The following MCTP1 variants were observed in gnomAD, a reference collection of about 807,000 sequenced individuals.
MCTP1 encodes the protein multiple C2 and transmembrane domain-containing protein 1.
In MCTP1, 69 loss-of-function variants were observed where a neutral mutation model predicts 120.6. The ratio of observed to expected loss-of-function variants is 0.57; its 90% confidence interval spans 0.47 to 0.70. MCTP1 has a LOEUF of 0.70. Ranked by LOEUF, MCTP1 falls within the 30% of genes least tolerant of loss-of-function variation. The probability of loss-of-function intolerance (pLI) is 0.00; values close to 1 mark genes in which losing one functional copy is unlikely to be tolerated. For missense variants in MCTP1, 1,203 were observed against 1,248.8 expected (o/e 0.96, Z 0.55); for synonymous variants, 529 against 493.1 (o/e 1.07, Z -0.96).
At chr5:94,757,539 A>G (rs75267536) in intron 19 of MCTP1, among the ~76,000 whole-genome samples, 2 of 152,208 alleles carry the variant, frequency 1.3e-5, no homozygotes, top group African/African-American at 2.4e-5. Context: ...AGACAGGTTT[A>G]GAGCGAAATA....
chr5:95,079,481 T>G (rs1388451826), intron 1 of MCTP1, among the ~76,000 whole-genome samples: 2 of 152,196 alleles, frequency 1.3e-5, no homozygotes, highest in African/African-American at 2.4e-5. Flanking sequence ...TCTCACTGCA[T>G]TTATATTTAG....
intron 19 of MCTP1, among the ~76,000 whole-genome samples, chr5:94,742,212 A>T (rs72773602): frequency 1.2e-4 from 18 of 152,186 alleles, no homozygotes; most frequent in Admixed American, 3.9e-4. Flanking sequence ...AAATTTTTTT[A>T]AATTTTCTAT....
At chr5:94,710,316 T>TA (rs1264507811) in intron 21 of MCTP1, 1 of 152,484 alleles carries the variant, frequency 6.6e-6, no homozygotes, top group Non-Finnish European at 1.5e-5. Flanking sequence ...TCTTGTTTAG[T>TA]ACACATAAAA....
At chr5:95,258,342 G>A (rs953068438) in intron 1 of MCTP1, among the ~76,000 whole-genome samples, 2 of 152,064 alleles carry the variant, frequency 1.3e-5, no homozygotes, top group African/African-American at 2.4e-5. Flanking sequence ...CAGTCTAATC[G>A]TGAGAAAAAC....
chr5:95,205,411 A>T (rs186335590), intron 1 of MCTP1, among the ~76,000 whole-genome samples: 1 of 152,302 alleles, frequency 6.6e-6, no homozygotes, highest in East Asian at 1.9e-4. Flanking sequence ...AAACACAGGT[A>T]TGATTCTCCA....
At chr5:94,777,731 A>T (rs1288244319) in intron 19 of MCTP1, among the ~76,000 whole-genome samples, 1 of 152,272 alleles carries the variant, frequency 6.6e-6, no homozygotes, top group East Asian at 1.9e-4. Flanking sequence ...AAATCATATC[A>T]TTTATTGCCA....
At chr5:95,088,947 A>T (rs984753093) in intron 1 of MCTP1, among the ~76,000 whole-genome samples, 4 of 152,220 alleles carry the variant, frequency 2.6e-5, no homozygotes, top group Non-Finnish European at 4.4e-5. Flanking sequence ...TTCCCAAGGA[A>T]GAGTTGATAA....
chr5:95,016,731 T>C (rs1837183488), intron 2 of MCTP1, among the ~76,000 whole-genome samples: 1 of 152,102 alleles, frequency 6.6e-6, no homozygotes, highest in Admixed American at 6.6e-5. Context: ...CTGGGGTCTA[T>C]TCTTGGTCCT....
At chr5:95,125,259 T>A (rs1320187528) in intron 1 of MCTP1, among the ~76,000 whole-genome samples, 1 of 152,246 alleles carries the variant, frequency 6.6e-6, no homozygotes, top group Admixed American at 6.5e-5. Context: ...ATGATTCAAG[T>A]ATATATTTGT....
chr5:94,707,226 C>G lies in MCTP1; in HGVS notation c.*270G>C, dbSNP rs1336890443. 3.2e-6 allele frequency: 1 copy of G among 316,926 alleles called. No homozygotes were observed. Among genetic ancestry groups the G allele is most frequent in the Non-Finnish European group, 5.7e-6 (1 of 174,222 alleles). The allele number at this position is 316,926 out of a possible 1,614,324, so 19.6% of individuals were successfully genotyped here. A position where few individuals can be genotyped will look rare whatever the true frequency, so the allele number is the denominator to read the frequency against. ...GAATATATCTTCCAGTGTTATCATTCTTATATTTGTTCTTTCAGTGTGTTA... is the reference window on the plus strand; with the variant it reads ...GAATATATCTTCCAGTGTTATCATTGTTATATTTGTTCTTTCAGTGTGTTA... On this transcript the variant is annotated 3_prime_UTR_variant, in exon 23 of 23. Coordinates refer to ENST00000515393, the MANE Select transcript of MCTP1 (RefSeq NM_024717.7).
chr5:95,095,006 ATTTTTTTTTTTTTTTTTTTTTT>A (rs756132693), intron 1 of MCTP1, among the ~76,000 whole-genome samples: 1 of 36,964 alleles, frequency 2.7e-5, no homozygotes, highest in South Asian at 1.4e-3. Context: ...GTTATGTTAG[ATTTTTTTTTTTTTTTTTTTTTT>A]TTTTTTTTTT....
At position 94,707,401 on chromosome 5, in the gene MCTP1, A is replaced by AT. The variant is rs1223608092; in HGVS notation, c.*94dup. On this transcript the variant is annotated 3_prime_UTR_variant, in exon 23 of 23. Transcript: ENST00000515393. ...CGATCATGATAAAAAGGCAAAATAA[A>AT]TAAAAAGCAGAAAGAAAGGAAATGC... 1 of 955,386 alleles carries AT rather than the reference A, an allele frequency of 1.0e-6. No individual in the cohort carries two copies. Among genetic ancestry groups the AT allele is most frequent in the Admixed American group, 2.3e-5 (1 of 44,196 alleles). The allele number at this position is 955,386 out of a possible 1,614,324, so 59.2% of individuals were successfully genotyped here. A position where few individuals can be genotyped will look rare whatever the true frequency, so the allele number is the denominator to read the frequency against.
intron 19 of MCTP1, among the ~76,000 whole-genome samples, 177 bp from the exon 20 acceptor site, chr5:94,715,063 G>T (rs539093795): frequency 6.6e-6 from 1 of 152,170 alleles, no homozygotes; most frequent in East Asian, 1.9e-4. Context: ...TGAGGAGGAA[G>T]GGGACCCAGC....
At chr5:94,908,895 T>C (rs528503842) in intron 10 of MCTP1, among the ~76,000 whole-genome samples, 2 of 152,078 alleles carry the variant, frequency 1.3e-5, no homozygotes, top group Admixed American at 1.3e-4. Flanking sequence ...GGTGATAGTA[T>C]GCTTTATGAA....
rs1349431966 is a variant in MCTP1 at position 94,909,239 on chromosome 5, A to G, written c.1652+12T>C. On this transcript the variant is annotated intron_variant, in intron 10 of 22. Coordinates refer to ENST00000515393, the MANE Select transcript of MCTP1 (RefSeq NM_024717.7). Reference sequence around the variant, plus strand: ...CTCTAGGAGTGAACCAAAAATTACAAATTGCACAAACCTGCCAATGAAATC... The same window carrying G: ...CTCTAGGAGTGAACCAAAAATTACAGATTGCACAAACCTGCCAATGAAATC... The G allele has an allele frequency of 1.9e-6, 3 of 1,611,776 alleles. No homozygotes were observed. Among genetic ancestry groups the G allele is most frequent in the Admixed American group, 3.3e-5 (2 of 59,704 alleles).
chr5:94,952,127 G>A (rs982670351), intron 3 of MCTP1, among the ~76,000 whole-genome samples: 10 of 134,856 alleles, frequency 7.4e-5, no homozygotes, highest in Middle Eastern at 9.5e-3. Context: ...AGCCAAGATC[G>A]TGCCACTGCA....
At chr5:94,783,939 G>C (rs988105291) in intron 18 of MCTP1, among the ~76,000 whole-genome samples, 9 of 151,942 alleles carry the variant, frequency 5.9e-5, no homozygotes, top group African/African-American at 1.9e-4. Flanking sequence ...CTTTTCCTTG[G>C]AATTAAATGG....
chr5:94,961,859 T>C (rs1244999427), intron 2 of MCTP1, among the ~76,000 whole-genome samples: 1 of 152,200 alleles, frequency 6.6e-6, no homozygotes, highest in Non-Finnish European at 1.5e-5. Context: ...AGGTGAGACT[T>C]GTCTATTCAC....
At chr5:94,785,563 C>A (rs897094072) in intron 18 of MCTP1, among the ~76,000 whole-genome samples, 2 of 152,008 alleles carry the variant, frequency 1.3e-5, no homozygotes, top group African/African-American at 4.8e-5. Flanking sequence ...ACTCTACTCA[C>A]CACGAATCTA....
Sources: allele counts gnomAD v4.1 joint callset (sites outside exome capture counted in the v4.1 genomes callset), GRCh38; gene constraint gnomAD v4.1.1; transcripts MANE v1.5; gene names NCBI Gene and HGNC (gene_info 2026-07-23, HGNC 2026-07-21).